Variants in STAG1 observed in about 807,000 individuals in gnomAD.
STAG1 encodes the protein cohesin subunit SA-1.
A neutral mutation model predicts 170.9 loss-of-function variants in STAG1; 26 were observed. The ratio of observed to expected loss-of-function variants is 0.15; its 90% CI spans 0.11 to 0.21. The LOEUF (loss-of-function observed/expected upper bound fraction) is 0.21. Ranked by LOEUF, STAG1 falls within the 10% of genes least tolerant of loss-of-function variation. The pLI, the probability that STAG1 is intolerant of heterozygous loss-of-function variation, is 1.00. For synonymous variants in STAG1, 514 were observed against 497.7 expected, an observed-to-expected ratio of 1.03 and a Z score of -0.44; for missense variants, 964 against 1,509.5, an observed-to-expected ratio of 0.64 and a Z score of 5.99.
chr3:136,361,925 A>G (rs1936877746), intron 26 of STAG1, among the ~76,000 whole-genome samples: 1 of 149,458 alleles, frequency 6.7e-6, no homozygotes, highest in Non-Finnish European at 1.5e-5. Flanking sequence ...ATTAATTATT[A>G]ATTACTTATG....
intron 21 of STAG1, among the ~76,000 whole-genome samples, chr3:136,416,485 A>G (rs2107719358): frequency 1.3e-5 from 2 of 152,378 alleles, no homozygotes; most frequent in South Asian, 4.1e-4. Context: ...TAGTAAGTCT[A>G]AAAATTTTGA....
At chr3:136,459,988 A>G (rs913383489) in intron 13 of STAG1, among the ~76,000 whole-genome samples, 3 of 152,200 alleles carry the variant, frequency 2.0e-5, no homozygotes, top group Non-Finnish European at 2.9e-5. Flanking sequence ...AACAACATCA[A>G]AAAACAAACC....
chr3:136,407,951 G>GGT (rs1413476264), intron 21 of STAG1, among the ~76,000 whole-genome samples: 2 of 150,734 alleles, frequency 1.3e-5, no homozygotes, highest in Non-Finnish European at 2.9e-5. Context: ...CAGTATAACT[G>GGT]GTGTACAATT....
At chr3:136,540,919 G>C (rs896445621) in intron 6 of STAG1, among the ~76,000 whole-genome samples, 36 of 144,448 alleles carry the variant, frequency 2.5e-4, no homozygotes, top group African/African-American at 8.3e-4. Context: ...CAAAAGTAAT[G>C]CTTTCTTGTT....
In STAG1 at chr3:136,630,992, A is replaced by G; in HGVS notation, c.-83-11T>C. 2 of 1,186,136 alleles carry G rather than the reference A, an allele frequency of 1.7e-6. No homozygotes were observed. Among genetic ancestry groups the G allele is most frequent in the Non-Finnish European group, 2.4e-6 (2 of 849,336 alleles). 73.5% of individuals were successfully genotyped at this position (1,186,136 alleles called of 1,614,324 possible). On this transcript the variant is annotated splice_polypyrimidine_tract_variant and intron_variant, in intron 1 of 33. Transcript: ENST00000383202. The stretch of plus-strand genomic sequence containing the variant: ...ACCTCAAAGGCAATCCTGTCAATTA[A>G]AAAAAAGAAATTATTTTAAAATAAA...
In STAG1 at chr3:136,448,512, T is replaced by G. The variant is rs371517174; in HGVS notation, c.1428+3521A>C. On this transcript the variant is annotated intron_variant, in intron 14 of 33. Coordinates refer to ENST00000383202, the MANE Select transcript of STAG1 (RefSeq NM_005862.3). ...GTGAGACTTACTACCATGAGAACCATGTAAGAAAAACTGCCCTTATGATAC... is the reference window on the plus strand; with the variant it reads ...GTGAGACTTACTACCATGAGAACCAGGTAAGAAAAACTGCCCTTATGATAC... Among the ~76,000 whole-genome samples the G allele has an allele frequency of 3.9e-5, 6 of 152,100 alleles. No individual in the cohort carries two copies. The South Asian group carries it at 1.2e-3, about 32-fold the overall frequency.
intron 1 of STAG1, among the ~76,000 whole-genome samples, chr3:136,720,100 C>T (rs983719364): frequency 6.7e-6 from 1 of 149,342 alleles, no homozygotes; most frequent in Non-Finnish European, 1.5e-5. Flanking sequence ...CGCTTGAACT[C>T]GGGAGGCAGA....
At chr3:136,356,435 C>A (rs1012413481) in intron 28 of STAG1, among the ~76,000 whole-genome samples, 1 of 151,648 alleles carries the variant, frequency 6.6e-6, no homozygotes, top group Non-Finnish European at 1.5e-5. Flanking sequence ...GGCTGGAATG[C>A]AGTGGCATAA....
At position 136,560,939 on chromosome 3, in the gene STAG1, A is replaced by G. The variant is rs138741188; in HGVS notation, c.394+7826T>C. Among the ~76,000 whole-genome samples the G allele has an allele frequency of 7.2e-5, 11 of 152,010 alleles. No homozygotes were observed. The East Asian group carries it at 1.9e-3, about 27-fold the overall frequency. On this transcript the variant is annotated intron_variant, in intron 5 of 33. Transcript: ENST00000383202. ...GGGAACTTGGGTGGGGACGGGGCGA[A>G]TTGTGATTTTTTTTTTTCCTGCCTT...
At chr3:136,342,508 C>CA (rs1936023224) in intron 30 of STAG1, among the ~76,000 whole-genome samples, 1 of 149,950 alleles carries the variant, frequency 6.7e-6, no homozygotes, top group African/African-American at 2.5e-5. Flanking sequence ...GGTGTTGAGA[C>CA]AGAGTCTGTG....
rs200910640 is a variant in STAG1 at position 136,575,222 on chromosome 3, G to A, written c.298-6361C>T. Among the ~76,000 whole-genome samples the A allele has an allele frequency of 5.3e-5, 8 of 152,212 alleles. No individual in the cohort carries two copies. In the East Asian group the frequency reaches 1.4e-3, roughly 26 times the overall value. On this transcript the variant is annotated intron_variant, in intron 4 of 33. Coordinates refer to ENST00000383202, the MANE Select transcript of STAG1 (RefSeq NM_005862.3). ...GACCTAAGAATCTACCTTTTTGGTA[G>A]TGGGTTTTTCTTTTTTCTCTGAGAC...
intron 30 of STAG1, among the ~76,000 whole-genome samples, chr3:136,343,489 T>A (rs977568597): frequency 1.3e-5 from 2 of 151,206 alleles, no homozygotes; most frequent in Non-Finnish European, 2.9e-5. Context: ...TACTGACAAC[T>A]TAATATAGGC....
intron 6 of STAG1, among the ~76,000 whole-genome samples, chr3:136,541,201 G>A (rs1935884958): frequency 6.6e-6 from 1 of 152,020 alleles, no homozygotes; most frequent in African/African-American, 2.4e-5. Context: ...CTGTCAAAGA[G>A]CAGACCTAGA....
intron 9 of STAG1, among the ~76,000 whole-genome samples, chr3:136,486,889 C>G (rs2090023671): frequency 6.7e-6 from 1 of 150,372 alleles, no homozygotes; most frequent in South Asian, 2.1e-4. Context: ...ATATCTACAT[C>G]TATGCCTAAT....
At chr3:136,351,828 C>T (rs185916455) in intron 28 of STAG1, among the ~76,000 whole-genome samples, 95 of 152,256 alleles carry the variant, frequency 6.2e-4, no homozygotes, top group African/African-American at 2.2e-3. Flanking sequence ...TGAAAGCAGC[C>T]TGCAAGCCAT....
intron 24 of STAG1, among the ~76,000 whole-genome samples, chr3:136,368,780 C>G (rs1221582616): frequency 6.6e-6 from 1 of 152,088 alleles, no homozygotes; most frequent in Non-Finnish European, 1.5e-5. Context: ...AGGAGGGAGA[C>G]TTCACTATGT....
chr3:136,602,676 C>T (rs1057370129), intron 4 of STAG1, among the ~76,000 whole-genome samples: 6 of 151,946 alleles, frequency 3.9e-5, no homozygotes, highest in African/African-American at 1.5e-4. Flanking sequence ...TATGGTGAAA[C>T]TCCATCTCTA....
chr3:136,393,987 C>G (rs573297987), intron 22 of STAG1, among the ~76,000 whole-genome samples: 8 of 152,142 alleles, frequency 5.3e-5, no homozygotes, highest in Non-Finnish European at 7.3e-5. Flanking sequence ...CTGCAACCTC[C>G]GCCTCCTGGG....
intron 1 of STAG1, among the ~76,000 whole-genome samples, chr3:136,745,464 T>A (rs1278110111): frequency 1.3e-5 from 2 of 152,148 alleles, no homozygotes; most frequent in African/African-American, 4.8e-5. Context: ...GGGTGGGGAA[T>A]CAGAAGGTTT....
Sources: gnomAD v4.1 joint callset for allele counts (sites outside exome capture counted in the v4.1 genomes callset) on GRCh38, gnomAD v4.1.1 for gene constraint, MANE v1.5 for transcripts, NCBI Gene and HGNC (gene_info 2026-07-23, HGNC 2026-07-21) for gene names.